The following AKNAD1 variants were observed in gnomAD, a reference collection of about 807,000 sequenced individuals.
The protein encoded by AKNAD1 is AKNA domain containing 1, also known as protein AKNAD1.
AKNAD1 carries 67 observed loss-of-function variants against 90.8 expected under a neutral mutation model. The ratio of observed to expected loss-of-function variants is 0.74; its 90% confidence interval spans 0.61 to 0.90. The LOEUF (loss-of-function observed/expected upper bound fraction) is 0.90, where lower values mean the gene tolerates loss of function less well. Among genes scored for constraint, AKNAD1 ranks in the 40% least tolerant of loss-of-function variants. The pLI is 0.00. For synonymous variants in AKNAD1, 327 were observed against 341.4 expected (o/e 0.96, Z 0.46); for missense variants, 957 against 975.4 (o/e 0.98, Z 0.25).
intron 1 of AKNAD1, among the ~76,000 whole-genome samples, chr1:108,853,395 T>G (rs574367200): frequency 2.0e-5 from 3 of 151,948 alleles, no homozygotes; most frequent in Admixed American, 6.5e-5. Flanking sequence ...CCTCCCAAAG[T>G]GCTGGGATTA....
upstream of AKNAD1, chr1:108,858,213 C>T (rs17621851): frequency 0.09 from 13,771 of 152,470 alleles, 696 homozygotes; most frequent in Non-Finnish European, 0.1. Flanking sequence ...AAAATCATGG[C>T]GTGCCTGCTT....
rs749715151 is a variant in AKNAD1, at chr1:108,852,220, T to C, written c.445A>G (p.Lys149Glu). ...ADSFEEEAII[K>E]SIISCYNKNS... ...TTATTATAACATGAAATAATACTTT[T>C]AATAATAGCTTCCTCTTCAAAACTG... Residue 149 changes from lysine (K) to glutamate (E), a missense_variant, in exon 2 of 16, where the codon AAA becomes GAA. Lys to Glu is a moderately conservative substitution (Grantham distance 56). Transcript: ENST00000370001. 1.2e-6 allele frequency: 2 copies of C among 1,613,398 alleles called. No homozygotes were observed. The highest frequency in any genetic ancestry group is 1.7e-5 in the Admixed American group (1 of 59,882).
intron 6 of AKNAD1, among the ~76,000 whole-genome samples, chr1:108,838,413 C>G (rs1653534636): frequency 6.6e-6 from 1 of 151,420 alleles, no homozygotes; most frequent in African/African-American, 2.4e-5. Context: ...TTAGGCATAA[C>G]TTACAAGTCA....
chr1:108,844,365 T>G (rs1049371779), intron 5 of AKNAD1, among the ~76,000 whole-genome samples: 1 of 139,244 alleles, frequency 7.2e-6, no homozygotes, highest in Admixed American at 7.0e-5. Context: ...TCCATCTCTC[T>G]CTCTCTCTCT....
At chr1:108,841,231 C>G (rs566463604) in intron 6 of AKNAD1, among the ~76,000 whole-genome samples, 5 of 151,808 alleles carry the variant, frequency 3.3e-5, no homozygotes, top group African/African-American at 1.2e-4. Flanking sequence ...AATGATGGAG[C>G]AAGGCCTCAA....
chr1:108,856,393 C>G (rs1665042166), intron 1 of AKNAD1, among the ~76,000 whole-genome samples: 1 of 151,920 alleles, frequency 6.6e-6, no homozygotes, highest in Non-Finnish European at 1.5e-5. Context: ...GAATTTTGCT[C>G]TGGCTCTCAA....
At chr1:108,850,061 C>G (rs1015419200) in intron 2 of AKNAD1, among the ~76,000 whole-genome samples, 2 of 152,206 alleles carry the variant, frequency 1.3e-5, no homozygotes, top group Admixed American at 1.3e-4. Context: ...TAGCCACACT[C>G]TAGAGAATAA....
rs753945214 is a variant in AKNAD1, at chr1:108,849,028, A to T, written c.1066T>A (p.Ser356Thr). ...IESEASLSKL[S>T]PTSQKGTSSS... ...GAAGTGCCTTTCTGAGAGGTTGGTG[A>T]CAACTTAGAGAGACTTGCCTCAGAT... The change falls in exon 4 of 16, where the codon TCA becomes ACA. Residue 356 changes from serine (S) to threonine (T), a missense_variant. Physicochemically the swap from Ser to Thr is moderately conservative, Grantham distance 58. Transcript: ENST00000370001. 6.2e-7 allele frequency: 1 copy of T among 1,609,424 alleles called. No individual in the cohort carries two copies. The highest frequency in any genetic ancestry group is 1.7e-5 in the Admixed American group (1 of 58,938).
intron 14 of AKNAD1, among the ~76,000 whole-genome samples, chr1:108,819,749 A>C (rs746878357): frequency 2.5e-5 from 2 of 79,914 alleles, no homozygotes; most frequent in African/African-American, 4.5e-5. Context: ...CTGTCTCTAC[A>C]AATTTTTTTT....
At chr1:108,843,019 C>A in intron 6 of AKNAD1, 115 bp downstream of exon 6, 1 of 1,339,034 alleles carries the variant, frequency 7.5e-7, no homozygotes, top group Non-Finnish European at 1.0e-6. Flanking sequence ...GACACAGTTT[C>A]TGCTGACCCT....
In AKNAD1 at chr1:108,852,360, CCTT is replaced by C. The variant is rs776531770; in HGVS notation, c.302_304del (p.Glu101del). The stretch of plus-strand genomic sequence containing the variant: ...AGAAATGCTTGACTTAGAAGCGTCT[CCTT>C]CATTTGCTGGAATATGAAGAGCTGC... On this transcript the variant is annotated inframe_deletion, in exon 2 of 16. Coordinates refer to ENST00000370001, the MANE Select transcript of AKNAD1 (RefSeq NM_152763.5). 6.2e-7 allele frequency: 1 copy of C among 1,613,996 alleles called. No individual in the cohort carries two copies. The highest frequency in any genetic ancestry group is 1.1e-5 in the South Asian group (1 of 91,068).
At chr1:108,840,117 T>A (rs1267033614) in intron 6 of AKNAD1, among the ~76,000 whole-genome samples, 4 of 152,050 alleles carry the variant, frequency 2.6e-5, no homozygotes, top group Admixed American at 6.6e-5. Flanking sequence ...ATGAGATAGA[T>A]AAGAATTGGA....
chr1:108,817,083 A>G lies in AKNAD1; in HGVS notation c.2344T>C (p.Cys782Arg), dbSNP rs902683138. 1.5e-5 allele frequency: 24 copies of G among 1,614,096 alleles called. 1 individual carries two copies. Among genetic ancestry groups the G allele is most frequent in the South Asian group, 2.2e-5 (2 of 91,082 alleles). ...SCRISGSKSL[C>R]DFDSTEEIKS... ...ATTTCTTCAGTGCTATCAAAGTCAC[A>G]TAAGGATTTGCTTCCAGAAATCCTG... Residue 782 changes from cysteine (C) to arginine (R), a missense_variant, in exon 15 of 16, where the codon TGT becomes CGT. Cys to Arg is a radical substitution (Grantham distance 180). Coordinates refer to ENST00000370001, the MANE Select transcript of AKNAD1 (RefSeq NM_152763.5).
At chr1:108,819,620 T>A (rs28574836) in intron 14 of AKNAD1, among the ~76,000 whole-genome samples, 59 of 149,466 alleles carry the variant, frequency 3.9e-4, no homozygotes, top group South Asian at 8.5e-4. Context: ...TCAAAAAAAA[T>A]TTTTTTTTAA....
chr1:108,840,258 C>T (rs1227875849), intron 6 of AKNAD1, among the ~76,000 whole-genome samples: 1 of 152,094 alleles, frequency 6.6e-6, no homozygotes, highest in Non-Finnish European at 1.5e-5. Context: ...AAGAGAATTG[C>T]ATAAGGTAGC....
intron 11 of AKNAD1, among the ~76,000 whole-genome samples, chr1:108,824,611 G>A (rs545604049): frequency 2.6e-5 from 4 of 151,750 alleles, no homozygotes; most frequent in South Asian, 4.2e-4. Context: ...ATTCTTTAAC[G>A]TGCTATTTTT....
At chr1:108,850,225 G>A (rs1664809606) in intron 2 of AKNAD1, among the ~76,000 whole-genome samples, 1 of 152,156 alleles carries the variant, frequency 6.6e-6, no homozygotes. Context: ...CGCTAGTGCT[G>A]GAGAGCTGGT....
At chr1:108,845,802 C>A (rs1664685258) in intron 5 of AKNAD1, among the ~76,000 whole-genome samples, 1 of 152,000 alleles carries the variant, frequency 6.6e-6, no homozygotes, top group Admixed American at 6.6e-5. Context: ...GGTGGGATGT[C>A]CGAAGTGAAG....
At chr1:108,847,111 T>G (rs1289751992) in intron 5 of AKNAD1, among the ~76,000 whole-genome samples, 2 of 152,210 alleles carry the variant, frequency 1.3e-5, no homozygotes, top group East Asian at 3.9e-4. Flanking sequence ...TCTCTGTGCC[T>G]TCAGCCTTGC....
Sources: allele counts gnomAD v4.1 joint callset (sites outside exome capture counted in the v4.1 genomes callset), GRCh38; gene constraint gnomAD v4.1.1; transcripts MANE v1.5; gene names NCBI Gene and HGNC (gene_info 2026-07-23, HGNC 2026-07-21).